Variants in FEZ2 observed in about 807,000 individuals in gnomAD.
FEZ2 encodes the protein fasciculation and elongation protein zeta 2, also known as fasciculation and elongation protein zeta-2.
A neutral mutation model predicts 40.4 loss-of-function variants in FEZ2; 51 were observed. That is an observed-to-expected ratio of 1.26 (90% CI 1.01 to 1.59). The LOEUF (loss-of-function observed/expected upper bound fraction) is 1.59. Among genes scored for constraint, FEZ2 ranks in the 40% most tolerant of loss-of-function variants. The pLI, the probability that FEZ2 is intolerant of heterozygous loss-of-function variation, is 0.00. For missense variants in FEZ2, 640 were observed against 438.3 expected (o/e 1.46, Z -4.11); for synonymous variants, 242 against 172.0 (o/e 1.41, Z -3.18).
At chr2:36,563,302 T>C (rs1422449810) in intron 5 of FEZ2, among the ~76,000 whole-genome samples, 1 of 152,144 alleles carries the variant, frequency 6.6e-6, no homozygotes, top group Non-Finnish European at 1.5e-5. Context: ...TAACAGCTGA[T>C]GCCAGTGAAA....
At chr2:36,589,785 G>A (rs1417694594) in intron 2 of FEZ2, 2 of 152,138 alleles carry the variant, frequency 1.3e-5, no homozygotes, top group Non-Finnish European at 2.9e-5. Flanking sequence ...AGGCTTTTCT[G>A]ATCACATATG....
chr2:36,560,887 C>A, intron 5 of FEZ2: 1 of 1,518,660 alleles, frequency 6.6e-7, no homozygotes. Flanking sequence ...AATATACGGC[C>A]CAGAAGAAAA....
intron 1 of FEZ2, among the ~76,000 whole-genome samples, chr2:36,593,608 C>T (rs577158284): frequency 6.6e-6 from 1 of 152,194 alleles, no homozygotes; most frequent in East Asian, 2.0e-4. Flanking sequence ...ACAGCTGGAG[C>T]AGCTGGTACA....
chr2:36,577,040 C>T (rs1668593633), intron 5 of FEZ2, among the ~76,000 whole-genome samples: 1 of 152,098 alleles, frequency 6.6e-6, no homozygotes, highest in African/African-American at 2.4e-5. Context: ...TAAAGGGTGC[C>T]AGTTCTAAAA....
In FEZ2 at chr2:36,597,968, T is replaced by TCAG; in HGVS notation, c.172_174dup (p.Leu58dup). The TCAG allele has an allele frequency of 6.7e-7, 1 of 1,483,664 alleles. No individual in the cohort carries two copies. Among genetic ancestry groups the TCAG allele is most frequent in the Non-Finnish European group, 8.9e-7 (1 of 1,123,148 alleles). The allele number at this position is 1,483,664 out of a possible 1,614,324, so 91.9% of individuals were successfully genotyped here. A position where few individuals can be genotyped will look rare whatever the true frequency, so the allele number is the denominator to read the frequency against. On this transcript the variant is annotated inframe_insertion, in exon 1 of 8. Coordinates refer to ENST00000405912, the MANE Select transcript of FEZ2 (RefSeq NM_005102.3). ...GGATCCGAGGGGCGGAAGCACAGGC[T>TCAG]CAGCTTCTCCTCCAAGCTGCAGGCC... is the stretch of plus-strand genomic sequence containing the variant.
chr2:36,581,378 A>G lies in FEZ2; in HGVS notation c.546T>C (p.Asp182=). Residue 182 remains aspartate (D), a synonymous_variant, in exon 4 of 8, where the codon GAT becomes GAC. Transcript: ENST00000405912. ...GCCGATCTGACTGTGTAGGGGTTTC[A>G]TCATCTTCTGGGTCCGGTGATTCCT... ...MMQESPDPED[D]ETPTQSDRLS... 6.2e-7 allele frequency: 1 copy of G among 1,613,576 alleles called. No homozygotes were observed.
chr2:36,574,856 C>T (rs848622), intron 5 of FEZ2, among the ~76,000 whole-genome samples: 87,974 of 151,952 alleles, frequency 0.58, 25,939 homozygotes, highest in East Asian at 0.85. Flanking sequence ...CAAAAAAGGA[C>T]AGAGGAAATA....
chr2:36,584,758 G>A (rs537910114), intron 2 of FEZ2, among the ~76,000 whole-genome samples: 8 of 152,354 alleles, frequency 5.3e-5, no homozygotes, highest in East Asian at 3.9e-4. Flanking sequence ...TGGAATGGAT[G>A]TAGGTTCCTA....
At chr2:36,568,699 C>T (rs1269336160) in intron 5 of FEZ2, among the ~76,000 whole-genome samples, 1 of 152,206 alleles carries the variant, frequency 6.6e-6, no homozygotes, top group Non-Finnish European at 1.5e-5. Flanking sequence ...GCCCTCACTA[C>T]TGACAAATGC....
intron 1 of FEZ2, among the ~76,000 whole-genome samples, chr2:36,593,077 T>C (rs5003670): frequency 0.32 from 49,313 of 152,070 alleles, 8,241 homozygotes; most frequent in Middle Eastern, 0.52. Context: ...TAAGAAATTT[T>C]CAAACACTGA....
intron 2 of FEZ2, chr2:36,590,292 C>T (rs139475093): frequency 2.6e-5 from 4 of 152,322 alleles, no homozygotes; most frequent in Admixed American, 6.5e-5. Context: ...AAGTTAACTC[C>T]GTGTTGAGAT....
At chr2:36,571,859 A>G (rs926304209) in intron 5 of FEZ2, among the ~76,000 whole-genome samples, 1 of 150,370 alleles carries the variant, frequency 6.7e-6, no homozygotes, top group African/African-American at 2.4e-5. Context: ...AAAAAAAAAT[A>G]CAAAAGTTAG....
chr2:36,581,638 A>C, intron 3 of FEZ2: 1 of 529,750 alleles, frequency 1.9e-6, no homozygotes. Context: ...AATATACTAA[A>C]CACAAACCTA....
At chr2:36,588,063 C>T (rs1668954681) in intron 2 of FEZ2, among the ~76,000 whole-genome samples, 1 of 151,836 alleles carries the variant, frequency 6.6e-6, no homozygotes, top group Admixed American at 6.6e-5. Context: ...GAGTCTCGCT[C>T]TGTCACCCAG....
Position 36,581,195 on chromosome 2 carries a change from G to A in FEZ2, c.634+95C>T. 2.7e-6 allele frequency: 3 copies of A among 1,124,930 alleles called. No homozygotes were observed. In the South Asian group the frequency reaches 4.5e-5, roughly 17 times the overall value. The allele number at this position is 1,124,930 out of a possible 1,614,324, so 69.7% of individuals were successfully genotyped here. A position where few individuals can be genotyped will look rare whatever the true frequency, so the allele number is the denominator to read the frequency against. Reference sequence around the variant, plus strand: ...AATTTGGACACAAACACAAACAGAAGGAGGATGAAATCAAAGCTTTCTGGA... The same window carrying A: ...AATTTGGACACAAACACAAACAGAAAGAGGATGAAATCAAAGCTTTCTGGA... On this transcript the variant is annotated intron_variant, in intron 4 of 7. Coordinates refer to ENST00000405912, the MANE Select transcript of FEZ2 (RefSeq NM_005102.3).
chr2:36,582,613 C>A (rs1668782680), intron 3 of FEZ2, among the ~76,000 whole-genome samples: 1 of 152,174 alleles, frequency 6.6e-6, no homozygotes. Context: ...ACGCCTAGAA[C>A]AATTCAACCA....
intron 4 of FEZ2, among the ~76,000 whole-genome samples, chr2:36,580,337 G>C (rs1039518012): frequency 2.0e-5 from 3 of 152,186 alleles, no homozygotes; most frequent in Non-Finnish European, 4.4e-5. Context: ...ACAACCCAAA[G>C]GTCTTTAGGT....
chr2:36,578,927 G>C, intron 4 of FEZ2, 62 bp from the exon 5 acceptor site: 1 of 1,409,200 alleles, frequency 7.1e-7, no homozygotes, highest in Non-Finnish European at 9.8e-7. Context: ...AAGCAAAACA[G>C]AGTAGTCACT....
intron 5 of FEZ2, among the ~76,000 whole-genome samples, chr2:36,572,972 T>A (rs1263280071): frequency 1.3e-5 from 2 of 152,148 alleles, no homozygotes; most frequent in African/African-American, 2.4e-5. Flanking sequence ...ATTAGGGTAA[T>A]GTGATTCTTT....
Sources: gnomAD v4.1 joint callset for allele counts (sites outside exome capture counted in the v4.1 genomes callset) on GRCh38, gnomAD v4.1.1 for gene constraint, MANE v1.5 for transcripts, NCBI Gene and HGNC (gene_info 2026-07-23, HGNC 2026-07-21) for gene names.